Variants in FMNL2 observed in about 807,000 individuals in gnomAD.
FMNL2 encodes formin-like protein 2.
Under a neutral mutation model 130.2 loss-of-function variants are expected in FMNL2, and 51 were observed. The observed-to-expected ratio is 0.39, with a 90% CI of 0.31 to 0.49. FMNL2 has a LOEUF of 0.49. Among genes scored for constraint, FMNL2 ranks in the 20% least tolerant of loss-of-function variants. The pLI, the probability that FMNL2 is intolerant of heterozygous loss-of-function variation, is 0.85. For missense variants in FMNL2, 977 were observed against 1,316.2 expected, an observed-to-expected ratio of 0.74 and a Z score of 3.99; for synonymous variants, 465 against 467.1, an observed-to-expected ratio of 1.00 and a Z score of 0.06.
Position 152,511,177 on chromosome 2 carries a change from A to T in FMNL2, c.118-10766A>T, listed in dbSNP as rs544502335. On this transcript the variant is annotated intron_variant, in intron 1 of 25. Transcript: ENST00000288670. ...CATTTTATATTCCCAATAACAATAA[A>T]CAAAGGTACCAGTTTTTCCAAATCC... Among the ~76,000 whole-genome samples the T allele has an allele frequency of 1.6e-4, 25 of 152,276 alleles. No individual in the cohort carries two copies. In the South Asian group the frequency reaches 5.2e-3, roughly 32 times the overall value.
intron 1 of FMNL2, among the ~76,000 whole-genome samples, chr2:152,436,105 T>C (rs1044430142): frequency 7.2e-5 from 11 of 152,166 alleles, no homozygotes; most frequent in Non-Finnish European, 1.6e-4. Context: ...CCACGCGGTA[T>C]TGCAATCCCG....
At chr2:152,378,882 G>C (rs1470652226) in intron 1 of FMNL2, among the ~76,000 whole-genome samples, 2 of 145,232 alleles carry the variant, frequency 1.4e-5, no homozygotes, top group Admixed American at 7.2e-5. Context: ...TTTCTGGCGG[G>C]ATTTTTTAAG....
intron 3 of FMNL2, among the ~76,000 whole-genome samples, chr2:152,546,661 G>A (rs566880690): frequency 2.6e-5 from 4 of 152,228 alleles, no homozygotes; most frequent in African/African-American, 9.6e-5. Context: ...GGAAGGCTGA[G>A]TTATTTTCTG....
chr2:152,522,111 A>G (rs569781284), intron 2 of FMNL2, 85 bp downstream of exon 2: 1 of 1,098,078 alleles, frequency 9.1e-7, no homozygotes, highest in African/African-American at 1.6e-5. Flanking sequence ...CAATATCATG[A>G]TTGAAAAACA....
chr2:152,527,670 A>C (rs1693463009), intron 2 of FMNL2, among the ~76,000 whole-genome samples: 1 of 152,030 alleles, frequency 6.6e-6, no homozygotes, highest in Admixed American at 6.6e-5. Flanking sequence ...CTACGAACTC[A>C]TGAATTTTCA....
At chr2:152,415,257 G>C (rs113977588) in intron 1 of FMNL2, among the ~76,000 whole-genome samples, 2 of 152,092 alleles carry the variant, frequency 1.3e-5, no homozygotes, top group African/African-American at 4.8e-5. Context: ...GAATCATGCA[G>C]GTTCTTGGCT....
intron 1 of FMNL2, among the ~76,000 whole-genome samples, chr2:152,377,329 A>G (rs1684227987): frequency 6.6e-6 from 1 of 152,210 alleles, no homozygotes; most frequent in African/African-American, 2.4e-5. Context: ...TAGATCTTGA[A>G]AGTTTTTTAG....
At chr2:152,635,517 GAA>G (rs1372570979) in intron 21 of FMNL2, among the ~76,000 whole-genome samples, 1 of 152,222 alleles carries the variant, frequency 6.6e-6, no homozygotes, top group Non-Finnish European at 1.5e-5. Context: ...AAAAAAGTGA[GAA>G]GTGTGCATTA....
At chr2:152,571,740 G>A (rs957240553) in intron 6 of FMNL2, among the ~76,000 whole-genome samples, 2 of 152,176 alleles carry the variant, frequency 1.3e-5, no homozygotes, top group African/African-American at 4.8e-5. Flanking sequence ...ACCTGATGCA[G>A]GCTGCCTTAT....
intron 10 of FMNL2, among the ~76,000 whole-genome samples, chr2:152,611,200 G>T (rs372050939): frequency 6.6e-6 from 1 of 152,130 alleles, no homozygotes; most frequent in African/African-American, 2.4e-5. Context: ...TTAGCTGGGC[G>T]TGGTGGCACC....
Position 152,626,668 on chromosome 2 carries a change from T to C in FMNL2, c.2106T>C (p.Leu702=). Residue 702 remains leucine, a synonymous_variant, in exon 17 of 26, where the codon CTT becomes CTC. Transcript: ENST00000288670. Reference sequence around the variant, plus strand: ...TAGAAGCAAACAGGGCCAAAAATCTTGCCATAACTTTAAGGAAAGCTGGAA... The same window carrying C: ...TAGAAGCAAACAGGGCCAAAAATCTCGCCATAACTTTAAGGAAAGCTGGAA... The part of the protein sequence containing the change: ...TLLEANRAKN[L]AITLRKAGKT... 4 of 1,613,098 alleles carry C rather than the reference T, an allele frequency of 2.5e-6. No homozygotes were observed. In the East Asian group the frequency reaches 8.9e-5, roughly 36 times the overall value.
chr2:152,615,957 T>A (rs1698922525), intron 12 of FMNL2, among the ~76,000 whole-genome samples: 1 of 152,194 alleles, frequency 6.6e-6, no homozygotes, highest in Non-Finnish European at 1.5e-5. Flanking sequence ...AAACCCTCCC[T>A]TTAAAAGTGC....
intron 9 of FMNL2, among the ~76,000 whole-genome samples, chr2:152,601,526 C>G (rs1422123709): frequency 1.3e-5 from 2 of 151,906 alleles, no homozygotes; most frequent in African/African-American, 4.8e-5. Flanking sequence ...GTCTCGAACT[C>G]CTGACCTCAG....
At chr2:152,465,672 T>G (rs1285978152) in intron 1 of FMNL2, among the ~76,000 whole-genome samples, 1 of 152,152 alleles carries the variant, frequency 6.6e-6, no homozygotes, top group Non-Finnish European at 1.5e-5. Context: ...TTGGCATAAG[T>G]AGGGGAACAG....
chr2:152,647,360 T>G (rs1683678630), intron 25 of FMNL2, among the ~76,000 whole-genome samples: 1 of 152,204 alleles, frequency 6.6e-6, no homozygotes, highest in African/African-American at 2.4e-5. Context: ...AGGTTCTTGT[T>G]AAAACTGCGA....
At chr2:152,624,053 C>T (rs1580124052) in intron 15 of FMNL2, among the ~76,000 whole-genome samples, 1 of 1,314 alleles carries the variant, frequency 7.6e-4, no homozygotes, top group Admixed American at 5.6e-3. Context: ...TCCCTCCCCT[C>T]CCCTCCCCTC....
chr2:152,338,381 T>C (rs1371698912), intron 1 of FMNL2, among the ~76,000 whole-genome samples: 3 of 152,168 alleles, frequency 2.0e-5, no homozygotes, highest in Admixed American at 6.5e-5. Context: ...CTCTAGAATA[T>C]TTAAGGCCTC....
At chr2:152,589,957 A>G (rs937055531) in intron 9 of FMNL2, among the ~76,000 whole-genome samples, 364 of 9,350 alleles carry the variant, frequency 0.039, 28 homozygotes, top group Non-Finnish European at 0.079. Flanking sequence ...ATATATATAT[A>G]TATATATATA....
chr2:152,578,009 A>G (rs556033792), intron 7 of FMNL2, among the ~76,000 whole-genome samples: 1 of 151,916 alleles, frequency 6.6e-6, no homozygotes, highest in East Asian at 1.9e-4. Context: ...AATAAGGGGG[A>G]AGGGAGGAAT....
Sources: allele counts gnomAD v4.1 joint callset (sites outside exome capture counted in the v4.1 genomes callset), GRCh38; gene constraint gnomAD v4.1.1; transcripts MANE v1.5; gene names NCBI Gene and HGNC (gene_info 2026-07-23, HGNC 2026-07-21).